The following UROS variants were observed in gnomAD, a reference collection of about 807,000 sequenced individuals.
UROS encodes the protein uroporphyrinogen-III synthase.
A neutral mutation model predicts 33.0 loss-of-function variants in UROS; 18 were observed. The observed-to-expected ratio is 0.55, with a 90% confidence interval of 0.38 to 0.81. UROS has a LOEUF of 0.81. UROS is among the 30% of genes least tolerant of loss of function. UROS has a pLI of 0.00. For synonymous variants in UROS, 114 were observed against 121.1 expected (o/e 0.94, Z 0.38); for missense variants, 293 against 314.9 (o/e 0.93, Z 0.53).
intron 1 of UROS, among the ~76,000 whole-genome samples, chr10:125,818,604 A>C (rs918318030): frequency 1.1e-4 from 16 of 152,286 alleles, no homozygotes; most frequent in Admixed American, 1.0e-3. Context: ...ATCAATTGAG[A>C]AGCGTGCACA....
chr10:125,812,254 G>A lies in UROS; in HGVS notation c.279C>T (p.Ala93=). 1 of 1,613,770 alleles carries A rather than the reference G, an allele frequency of 6.2e-7. No homozygotes were observed. The highest frequency in any genetic ancestry group is 8.5e-7 in the Non-Finnish European group (1 of 1,179,934). Residue 93 remains alanine, a synonymous_variant, in exon 5 of 10, where the codon GCC becomes GCT. Transcript: ENST00000368797. Reference sequence around the variant, plus strand: ...CATTTCCAACCACATACACTGACTTGGCATTCCATTTTTCTTTCAGAGACC... The same window carrying A: ...CATTTCCAACCACATACACTGACTTAGCATTCCATTTTTCTTTCAGAGACC... ...WERSLKEKWN[A]KSVYVVGNAT...
intron 6 of UROS, chr10:125,802,414 C>G (rs1851920187): frequency 1.0e-6 from 1 of 985,714 alleles, no homozygotes; most frequent in Non-Finnish European, 1.2e-6. Flanking sequence ...AAAATGACCC[C>G]CAGCAATCCA....
chr10:125,796,266 G>T, intron 7 of UROS, 78 bp from the exon 8 acceptor site: 1 of 1,409,152 alleles, frequency 7.1e-7, no homozygotes, highest in Non-Finnish European at 1.0e-6. Context: ...CAGCACAGTT[G>T]GTGAAACCTC....
chr10:125,815,500 G>A (rs554521185), intron 3 of UROS, among the ~76,000 whole-genome samples: 12 of 152,256 alleles, frequency 7.9e-5, no homozygotes, highest in African/African-American at 2.9e-4. Flanking sequence ...ATAAAAATGG[G>A]AATATTCAGG....
chr10:125,792,058 AC>A (rs1213898789), intron 9 of UROS: 1 of 152,050 alleles, frequency 6.6e-6, no homozygotes, highest in East Asian at 1.9e-4. Flanking sequence ...ACACAGTGAG[AC>A]CCCATCTCTA....
chr10:125,822,931 G>A (rs1223470860), intron 1 of UROS, 98 bp downstream of exon 1: 1 of 152,220 alleles, frequency 6.6e-6, no homozygotes, highest in Non-Finnish European at 1.5e-5. Flanking sequence ...GAAGCCTCGG[G>A]GCCCTGGCCC....
At chr10:125,811,987 A>G (rs1852857159) in intron 5 of UROS, among the ~76,000 whole-genome samples, 1 of 152,238 alleles carries the variant, frequency 6.6e-6, no homozygotes, top group African/African-American at 2.4e-5. Context: ...TTTTGCATAC[A>G]TACTGACCAA....
At chr10:125,791,270 C>T (rs1485320665) in intron 9 of UROS, among the ~76,000 whole-genome samples, 59 of 152,004 alleles carry the variant, frequency 3.9e-4, no homozygotes, top group Admixed American at 3.8e-3. Flanking sequence ...TTAGGGAAAT[C>T]GAAATCAAAT....
At position 125,812,234 on chromosome 10, in the gene UROS, C is replaced by G; in HGVS notation, c.299G>C (p.Gly100Ala). Residue 100 changes from glycine to alanine, a missense_variant, in exon 5 of 10, where the codon GGA becomes GCA. Coordinates refer to ENST00000368797, the MANE Select transcript of UROS (RefSeq NM_000375.3). ...KWNAKSVYVV[G>A]NATASLVSKI... ...CTTACCTAGAGAAGCAGTAGCATTT[C>G]CAACCACATACACTGACTTGGCATT... 6.2e-7 allele frequency: 1 copy of G among 1,613,910 alleles called. No individual in the cohort carries two copies. Among genetic ancestry groups the G allele is most frequent in the Non-Finnish European group, 8.5e-7 (1 of 1,179,958 alleles).
At chr10:125,785,471 C>G (rs1850612336), downstream of UROS, 1 of 152,260 alleles carries the variant, frequency 6.6e-6, no homozygotes, top group Non-Finnish European at 1.5e-5. Context: ...CTATCCCTGT[C>G]ATCTACTTCC....
intron 3 of UROS, among the ~76,000 whole-genome samples, chr10:125,815,555 G>GATAAATATCCA (rs1412862931): frequency 3.9e-5 from 6 of 152,158 alleles, no homozygotes; most frequent in African/African-American, 1.2e-4. Context: ...GAGGATAATG[G>GATAAATATCCA]TGATATCATC....
At chr10:125,789,440 TGTGGGC>T in intron 9 of UROS, 2 of 1,017,158 alleles carry the variant, frequency 2.0e-6, no homozygotes, top group Non-Finnish European at 2.4e-6. Flanking sequence ...GTCAGGGCTC[TGTGGGC>T]ACAGGGTTGG....
intron 7 of UROS, chr10:125,796,682 T>G: frequency 1.4e-6 from 1 of 725,904 alleles, no homozygotes; most frequent in Non-Finnish European, 1.7e-6. Flanking sequence ...CAAGAACTGA[T>G]TAAGCCGTGG....
At chr10:125,785,393 C>A (rs1051143964), downstream of UROS, 1 of 151,592 alleles carries the variant, frequency 6.6e-6, no homozygotes, top group African/African-American at 2.4e-5. Context: ...TCCAAATGAC[C>A]ACGTACTTTG....
chr10:125,793,745 A>G (rs2133819595), intron 9 of UROS: 1 of 152,126 alleles, frequency 6.6e-6, no homozygotes, highest in East Asian at 1.9e-4. Context: ...CGGGGTTTTC[A>G]TCATATTGGA....
At chr10:125,787,185 T>C (rs976792689), downstream of UROS, among the ~76,000 whole-genome samples, 1 of 152,230 alleles carries the variant, frequency 6.6e-6, no homozygotes, top group African/African-American at 2.4e-5. Context: ...TACTAGCATG[T>C]AGACATTTAG....
rs1403209309 is a variant in UROS, at chr10:125,816,237, T to G, written c.87A>C (p.Glu29Asp). 6.2e-7 allele frequency: 1 copy of G among 1,614,192 alleles called. No individual in the cohort carries two copies. The highest frequency in any genetic ancestry group is 8.5e-7 in the Non-Finnish European group (1 of 1,180,034). Residue 29 changes from glutamate to aspartate, a missense_variant, in exon 3 of 10, where the codon GAA becomes GAC. Coordinates refer to ENST00000368797, the MANE Select transcript of UROS (RefSeq NM_000375.3). ...ACGATAAAACAGGGATCAAAGTGGC[T>G]TCAAGTCCATATAATCCTAATTCCT... ...YIRELGLYGL[E>D]ATLIPVLSFE...
intron 6 of UROS, 82 bp downstream of exon 6, chr10:125,807,331 G>T: frequency 1.6e-6 from 2 of 1,230,254 alleles, no homozygotes; most frequent in Non-Finnish European, 2.4e-6. Context: ...ATGCACTGAG[G>T]AAATATTCTT....
At chr10:125,822,754 G>A (rs1052717643) in intron 1 of UROS, among the ~76,000 whole-genome samples, 2 of 152,128 alleles carry the variant, frequency 1.3e-5, no homozygotes, top group African/African-American at 4.8e-5. Context: ...CACCGGGCCC[G>A]GCCCCCCGCC....
Sources: gnomAD v4.1 joint callset for allele counts (sites outside exome capture counted in the v4.1 genomes callset) on GRCh38, gnomAD v4.1.1 for gene constraint, MANE v1.5 for transcripts, NCBI Gene and HGNC (gene_info 2026-07-23, HGNC 2026-07-21) for gene names.